Variants in DNAH5 observed in about 807,000 individuals in gnomAD.
DNAH5 encodes dynein axonemal heavy chain 5.
DNAH5 carries 372 observed loss-of-function variants against 518.2 expected under a neutral mutation model. The ratio of observed to expected loss-of-function variants is 0.72; its 90% CI spans 0.66 to 0.78. The LOEUF (loss-of-function observed/expected upper bound fraction) is 0.78, where lower values mean the gene tolerates loss of function less well. DNAH5 is among the 30% of genes least tolerant of loss of function. The pLI, the probability that DNAH5 is intolerant of heterozygous loss-of-function variation, is 0.00. For missense variants in DNAH5, 5,523 were observed against 5,687.0 expected, an observed-to-expected ratio of 0.97 and a Z score of 0.93; for synonymous variants, 2,039 against 2,025.9, an observed-to-expected ratio of 1.01 and a Z score of -0.17.
rs142757468 is a variant in DNAH5 at position 13,843,686 on chromosome 5, A to G, written c.5271+1151T>C. ...GGGCTTCCCACACTTCCGAGCGCCC[A>G]CACCTCCCTTGCACATGCTCTTCTT... On this transcript the variant is annotated intron_variant, in intron 32 of 78. Transcript: ENST00000265104. 3.3e-5 allele frequency among the ~76,000 whole-genome samples: 5 copies of G among 152,206 alleles called. No individual in the cohort carries two copies. The East Asian group carries it at 9.7e-4, about 29-fold the overall frequency.
intron 1 of DNAH5, among the ~76,000 whole-genome samples, chr5:13,940,030 C>T (rs1264974331): frequency 6.6e-6 from 1 of 152,138 alleles, no homozygotes; most frequent in Non-Finnish European, 1.5e-5. Context: ...GTTCCCAAGG[C>T]CTCTAGCTCT....
chr5:13,735,473 G>T (rs1017237439), intron 67 of DNAH5, 152 bp from the exon 68 acceptor site: 2 of 761,190 alleles, frequency 2.6e-6, no homozygotes, highest in Non-Finnish European at 4.3e-6. Flanking sequence ...AAAATAACAA[G>T]AATTCTCTCA....
intron 47 of DNAH5, among the ~76,000 whole-genome samples, chr5:13,801,655 G>A (rs1243958919): frequency 2.0e-5 from 3 of 152,080 alleles, no homozygotes; most frequent in African/African-American, 7.2e-5. Flanking sequence ...CTTGCATCTT[G>A]TTCTCCACTC....
chr5:13,952,923 T>A (rs955668228), intron 1 of DNAH5, among the ~76,000 whole-genome samples: 23 of 152,218 alleles, frequency 1.5e-4, no homozygotes, highest in Non-Finnish European at 3.1e-4. Context: ...GCTGAGACTA[T>A]CTGTGTGTTC....
chr5:13,822,448 C>T lies in DNAH5; in HGVS notation c.6687+815G>A, dbSNP rs182918543. Reference sequence around the variant, plus strand: ...TGGATTTTTGGTAGAGACAGGGTTTCACCATGTTGCCTAGGCTGGTCTCAA... The same window carrying T: ...TGGATTTTTGGTAGAGACAGGGTTTTACCATGTTGCCTAGGCTGGTCTCAA... On this transcript the variant is annotated intron_variant, in intron 40 of 78. Transcript: ENST00000265104. Among the ~76,000 whole-genome samples the T allele has an allele frequency of 1.5e-3, 223 of 152,130 alleles. 2 individuals are homozygous for T. The highest frequency in any genetic ancestry group is 5.2e-3 in the African/African-American group (215 of 41,516).
At chr5:13,935,056 G>C (rs1391410795) in intron 1 of DNAH5, among the ~76,000 whole-genome samples, 1 of 152,144 alleles carries the variant, frequency 6.6e-6, no homozygotes, top group African/African-American at 2.4e-5. Flanking sequence ...GGTCAACCAG[G>C]GAGCCAGGAA....
chr5:13,754,613 A>G (rs779268398), intron 61 of DNAH5, among the ~76,000 whole-genome samples: 1 of 152,010 alleles, frequency 6.6e-6, no homozygotes, highest in Admixed American at 6.6e-5. Context: ...ACCTTAGCTC[A>G]CTGCAACCTC....
chr5:13,717,657 G>A, intron 72 of DNAH5, 137 bp from the exon 73 acceptor site: 1 of 802,074 alleles, frequency 1.2e-6, no homozygotes, highest in Non-Finnish European at 2.1e-6. Context: ...ACACTCATGT[G>A]ACAATAATAA....
intron 1 of DNAH5, among the ~76,000 whole-genome samples, chr5:13,934,766 C>A (rs1025277211): frequency 6.6e-6 from 1 of 152,166 alleles, no homozygotes; most frequent in Admixed American, 6.5e-5. Flanking sequence ...ATCTGAGAGA[C>A]AACTTTGCTG....
At chr5:13,947,838 T>G (rs1220254763), upstream of DNAH5, among the ~76,000 whole-genome samples, 1 of 152,214 alleles carries the variant, frequency 6.6e-6, no homozygotes. Flanking sequence ...ATGAGTTCAG[T>G]GGGATGAGAG....
At position 13,692,061 on chromosome 5, in the gene DNAH5, C is replaced by T. The variant is rs774279588; in HGVS notation, c.13798G>A (p.Ala4600Thr). 4.3e-6 allele frequency: 7 copies of T among 1,613,920 alleles called. No homozygotes were observed. In the Admixed American group the frequency reaches 8.3e-5, roughly 19 times the overall value. Reference sequence around the variant, plus strand: ...GTCTGGGCTGTCCTGAGATCCACAGCGGCAATGTAGTTCAAGTCCGTTCGA... The same window carrying T: ...GTCTGGGCTGTCCTGAGATCCACAGTGGCAATGTAGTTCAAGTCCGTTCGA... ...PVRTDLNYIA[A>T]VDLRTAQTPE... The change falls in exon 79 of 79, where the codon GCT becomes ACT. Residue 4600 changes from alanine to threonine, a missense_variant. Transcript: ENST00000265104.
chr5:13,724,072 A>G (rs1745404374), intron 70 of DNAH5, among the ~76,000 whole-genome samples: 1 of 152,262 alleles, frequency 6.6e-6, no homozygotes, highest in African/African-American at 2.4e-5. Context: ...CTGAAACCAG[A>G]TATGCATGCA....
chr5:13,904,580 T>C (rs1339425793), intron 12 of DNAH5, among the ~76,000 whole-genome samples: 1 of 151,786 alleles, frequency 6.6e-6, no homozygotes, highest in Non-Finnish European at 1.5e-5. Flanking sequence ...AATCCAACCA[T>C]TGCTCTTTTA....
At chr5:13,942,749 T>G (rs527260549) in intron 1 of DNAH5, among the ~76,000 whole-genome samples, 2 of 152,256 alleles carry the variant, frequency 1.3e-5, no homozygotes, top group East Asian at 3.9e-4. Flanking sequence ...AGCACTTTCC[T>G]ATCCACTGAC....
chr5:13,958,570 T>G (rs1192632354), intron 1 of DNAH5, among the ~76,000 whole-genome samples: 2 of 151,990 alleles, frequency 1.3e-5, no homozygotes, highest in African/African-American at 4.8e-5. Context: ...TTACATAGAG[T>G]AGAATTAAAG....
intron 52 of DNAH5, among the ~76,000 whole-genome samples, chr5:13,781,991 C>G (rs1181242328): frequency 9.9e-5 from 15 of 152,110 alleles, no homozygotes; most frequent in Non-Finnish European, 5.9e-5. Flanking sequence ...GTTTATTTGG[C>G]TTTATTGGTG....
chr5:13,848,716 C>T (rs1265300752), intron 31 of DNAH5, among the ~76,000 whole-genome samples: 1 of 152,132 alleles, frequency 6.6e-6, no homozygotes, highest in African/African-American at 2.4e-5. Context: ...GGTGTATGCG[C>T]AGTTCACAAT....
At chr5:13,956,938 G>C (rs1329460757) in intron 1 of DNAH5, among the ~76,000 whole-genome samples, 2 of 152,272 alleles carry the variant, frequency 1.3e-5, no homozygotes, top group East Asian at 3.9e-4. Flanking sequence ...TTGTAGTGCA[G>C]GGATGTCAAA....
chr5:13,919,130 G>C, intron 7 of DNAH5, 46 bp downstream of exon 7: 1 of 1,611,962 alleles, frequency 6.2e-7, no homozygotes, highest in Non-Finnish European at 8.5e-7. Flanking sequence ...TATGCATAGA[G>C]AACTCTTATT....
Sources: gnomAD v4.1 joint callset for allele counts (sites outside exome capture counted in the v4.1 genomes callset) on GRCh38, gnomAD v4.1.1 for gene constraint, MANE v1.5 for transcripts, NCBI Gene and HGNC (gene_info 2026-07-23, HGNC 2026-07-21) for gene names.